Variants in PPP2R2D observed in about 807,000 individuals in gnomAD.
PPP2R2D encodes the protein serine/threonine-protein phosphatase 2A 55 kDa regulatory subunit B delta isoform.
PPP2R2D carries 9 observed loss-of-function variants against 31.1 expected under a neutral mutation model. That is an observed-to-expected ratio of 0.29 (90% confidence interval 0.17 to 0.51). The LOEUF (loss-of-function observed/expected upper bound fraction) is 0.51. Ranked by LOEUF, PPP2R2D falls within the 20% of genes least tolerant of loss-of-function variation. The pLI is 0.98. For synonymous variants in PPP2R2D, 179 were observed against 172.6 expected (o/e 1.04, Z -0.29); for missense variants, 391 against 465.6 (o/e 0.84, Z 1.48).
At chr10:131,961,185 TGGGCCTGG>T (rs560601937), downstream of PPP2R2D, among the ~76,000 whole-genome samples, 1 of 152,178 alleles carries the variant, frequency 6.6e-6, no homozygotes, top group Non-Finnish European at 1.5e-5. Context: ...GGGAGAGGCC[TGGGCCTGG>T]GGGCCTGGCG....
At chr10:131,923,166 C>T (rs782656013) in intron 2 of PPP2R2D, among the ~76,000 whole-genome samples, 2 of 152,184 alleles carry the variant, frequency 1.3e-5, no homozygotes, top group African/African-American at 2.4e-5. Context: ...CCTCTGCCCT[C>T]TGGTAACCAC....
At position 131,947,218 on chromosome 10, in the gene PPP2R2D, C is replaced by T. The variant is rs142428302; in HGVS notation, c.821-312C>T. 1.3e-3 allele frequency among the ~76,000 whole-genome samples: 197 copies of T among 152,334 alleles called. 2 individuals are homozygous for T. In the East Asian group the frequency reaches 0.035, roughly 27 times the overall value. Reference sequence around the variant, plus strand: ...GCACACATCAGGATGCCCCGAGGAGCTCCCACAGATGGCAGTGCCCAGGAC... The same window carrying T: ...GCACACATCAGGATGCCCCGAGGAGTTCCCACAGATGGCAGTGCCCAGGAC... On this transcript the variant is annotated intron_variant, in intron 7 of 8. Transcript: ENST00000455566. This position sits in a 1 kb window ranked among gnomAD's most constrained non-coding sequence, Gnocchi z 4.3.
intron 3 of PPP2R2D, among the ~76,000 whole-genome samples, chr10:131,935,245 A>G (rs540924018): frequency 1.2e-4 from 18 of 152,368 alleles, no homozygotes; most frequent in African/African-American, 2.9e-4. Flanking sequence ...TTGGTAGTCA[A>G]GGATTCCTGG....
intron 3 of PPP2R2D, among the ~76,000 whole-genome samples, chr10:131,937,851 G>C (rs2036370688): frequency 6.6e-6 from 1 of 152,186 alleles, no homozygotes; most frequent in African/African-American, 2.4e-5. Flanking sequence ...CTTTTTTGTA[G>C]AGTGGTAGGA....
chr10:131,927,467 T>G (rs1316724995), intron 2 of PPP2R2D, among the ~76,000 whole-genome samples: 3 of 151,506 alleles, frequency 2.0e-5, no homozygotes, highest in Non-Finnish European at 2.9e-5. Context: ...GCGGTGAGAG[T>G]CCGAGTGAAG....
chr10:131,953,087 ACTGTCTTAGCAGTGACTTGCGGGGGTTCC>A (rs1554899201), intron 8 of PPP2R2D, among the ~76,000 whole-genome samples: 1 of 113,490 alleles, frequency 8.8e-6, no homozygotes, highest in African/African-American at 3.5e-5. Context: ...TGGGAGGTTC[ACTGTCTTAGCAGTGACTTGCGGGGGTTCC>A]CTGTCTTAGC....
At chr10:131,949,523 A>G (rs1215438386) in intron 8 of PPP2R2D, among the ~76,000 whole-genome samples, 6 of 152,172 alleles carry the variant, frequency 3.9e-5, no homozygotes, top group Non-Finnish European at 8.8e-5. Context: ...CATACAGGAA[A>G]AGCCACCGTG....
At chr10:131,966,873 A>C in the PPP2R2D span, 1 of 126,720 alleles carries the variant, frequency 7.9e-6, no homozygotes, top group African/African-American at 3.1e-5. Flanking sequence ...TAGTACCTCC[A>C]ACTGGTTGTT....
intron 2 of PPP2R2D, among the ~76,000 whole-genome samples, chr10:131,909,520 G>A (rs2035649246): frequency 6.6e-6 from 1 of 152,176 alleles, no homozygotes; most frequent in Non-Finnish European, 1.5e-5. Context: ...AGGCCATCCT[G>A]TCCCTGTTGC....
At chr10:131,929,839 G>A (rs1158953746) in intron 2 of PPP2R2D, among the ~76,000 whole-genome samples, 1 of 152,064 alleles carries the variant, frequency 6.6e-6, no homozygotes, top group Admixed American at 6.5e-5. Flanking sequence ...CATAGCACCC[G>A]AATGTCCTTT....
chr10:131,904,693 C>A (rs1476635791), intron 2 of PPP2R2D, among the ~76,000 whole-genome samples: 2 of 152,178 alleles, frequency 1.3e-5, no homozygotes, highest in Non-Finnish European at 2.9e-5. Flanking sequence ...GCCCTGCACT[C>A]TGGCCGTCTT....
At chr10:131,908,314 T>A (rs2035629812) in intron 2 of PPP2R2D, among the ~76,000 whole-genome samples, 1 of 152,194 alleles carries the variant, frequency 6.6e-6, no homozygotes, top group African/African-American at 2.4e-5. Flanking sequence ...TTGCTTCCTG[T>A]CCATTCCCTA....
rs1220880922 is a variant in PPP2R2D, at chr10:131,921,821, A to T, written c.101-12637A>T. Among the ~76,000 whole-genome samples the T allele has an allele frequency of 3.9e-5, 6 of 152,314 alleles. No individual in the cohort carries two copies. In the East Asian group the frequency reaches 7.7e-4, roughly 20 times the overall value. On this transcript the variant is annotated intron_variant, in intron 2 of 8. Coordinates refer to ENST00000455566, the MANE Select transcript of PPP2R2D (RefSeq NM_018461.5). ...TAAAGCGCTTTTGATTTGCCTGTAA[A>T]TCAGAGTCTACCATGGCTCACATAG...
At chr10:131,935,419 T>G (rs1324218678) in intron 3 of PPP2R2D, among the ~76,000 whole-genome samples, 2 of 152,192 alleles carry the variant, frequency 1.3e-5, no homozygotes, top group Non-Finnish European at 2.9e-5. Flanking sequence ...TGTGACGAAC[T>G]TTGGTTTAGA....
At chr10:131,901,182 G>A (rs2119678504) in intron 1 of PPP2R2D, 27 bp downstream of exon 1, 1 of 325,510 alleles carries the variant, frequency 3.1e-6, no homozygotes, top group East Asian at 4.7e-5. Context: ...GGCCGGCGGG[G>A]ACCACGGGGG....
chr10:131,905,243 C>A (rs1483366354), intron 2 of PPP2R2D, among the ~76,000 whole-genome samples: 9 of 152,100 alleles, frequency 5.9e-5, no homozygotes, highest in Admixed American at 1.3e-4. Flanking sequence ...AATAGTAAAA[C>A]CAGGGGGCTT....
rs1554899996 is a variant in PPP2R2D at position 131,956,312 on chromosome 10, C to G, written c.*349C>G. ...CAAGAGAAAAGTTATTGTCAGATACCGCTCTTTCTCCAACTTTCCCTCTTT... is the reference window on the plus strand; with the variant it reads ...CAAGAGAAAAGTTATTGTCAGATACGGCTCTTTCTCCAACTTTCCCTCTTT... On this transcript the variant is annotated 3_prime_UTR_variant, in exon 9 of 9. Coordinates refer to ENST00000455566, the MANE Select transcript of PPP2R2D (RefSeq NM_018461.5). 1.0e-6 allele frequency: 1 copy of G among 1,003,702 alleles called. No homozygotes were observed. Among genetic ancestry groups the G allele is most frequent in the African/African-American group, 1.7e-5 (1 of 57,988 alleles). The allele number at this position is 1,003,702 out of a possible 1,614,324, so 62.2% of individuals were successfully genotyped here. A position where few individuals can be genotyped will look rare whatever the true frequency, so the allele number is the denominator to read the frequency against.
Position 131,940,060 on chromosome 10 carries a change from A to ATAT in PPP2R2D, c.229_231dup (p.Tyr77dup). ...AAAGCCGCCCTCATTCTAGGGGAGA[A>ATAT]TATAATGTTTACAGCACCTTTCAAA... On this transcript the variant is annotated inframe_insertion, in exon 4 of 9. Transcript: ENST00000455566. 1 of 771,476 alleles carries ATAT rather than the reference A, an allele frequency of 1.3e-6. No individual in the cohort carries two copies. 47.8% of individuals were successfully genotyped at this position (771,476 alleles called of 1,614,324 possible). A position where few individuals can be genotyped will look rare whatever the true frequency, so the allele number is the denominator to read the frequency against.
chr10:131,916,532 C>T (rs1315043046), intron 2 of PPP2R2D, among the ~76,000 whole-genome samples: 2 of 152,232 alleles, frequency 1.3e-5, no homozygotes, highest in African/African-American at 4.8e-5. Flanking sequence ...TAAACAATAA[C>T]TCCCCTTCTC....
Sources: gnomAD v4.1 joint callset for allele counts (sites outside exome capture counted in the v4.1 genomes callset) on GRCh38, gnomAD v4.1.1 for gene constraint, Gnocchi (gnomAD v3.1) non-coding constraint, MANE v1.5 for transcripts, NCBI Gene and HGNC (gene_info 2026-07-23, HGNC 2026-07-21) for gene names.